The following CIB4 variants were observed in gnomAD, a reference collection of about 807,000 sequenced individuals.
CIB4 encodes calcium and integrin-binding family member 4.
Under a neutral mutation model 25.8 loss-of-function variants are expected in CIB4, and 25 were observed. The ratio of observed to expected loss-of-function variants is 0.97; its 90% CI spans 0.71 to 1.35. CIB4 has a LOEUF of 1.35. Ranked by LOEUF, CIB4 falls within the 40% of genes most tolerant of loss-of-function variation. The probability of loss-of-function intolerance (pLI) is 0.00; values close to 1 mark genes in which losing one functional copy is unlikely to be tolerated. For missense variants in CIB4, 235 were observed against 228.2 expected (o/e 1.03, Z -0.19); for synonymous variants, 75 against 81.4 (o/e 0.92, Z 0.42).
chr2:26,583,642 T>G (rs1668393551), intron 5 of CIB4, 147 bp downstream of exon 5: 7 of 637,426 alleles, frequency 1.1e-5, no homozygotes, highest in Non-Finnish European at 2.0e-5. Context: ...CCCCAGGGAA[T>G]GTGTGCACCA....
Position 26,581,385 on chromosome 2 carries a change from C to CCCA in CIB4, c.535_536insTGG (p.Arg179delinsLeuGly). On this transcript the variant is annotated protein_altering_variant, in exon 7 of 7. Coordinates refer to ENST00000288861, the MANE Select transcript of CIB4 (RefSeq NM_001029881.3). ...ACATCAGCATCCCCAGAAGTGAATC[C>CCCA]GAAAGGAGCTGAAAGAAAGAATCCC... 1 of 1,613,642 alleles carries CCCA rather than the reference C, an allele frequency of 6.2e-7. No individual in the cohort carries two copies. Among genetic ancestry groups the CCCA allele is most frequent in the Non-Finnish European group, 8.5e-7 (1 of 1,179,768 alleles).
chr2:26,605,540 C>T (rs574398537), intron 3 of CIB4: 3 of 471,042 alleles, frequency 6.4e-6, no homozygotes, highest in African/African-American at 4.0e-5. Context: ...AGGGAAGGCT[C>T]TTCTTCCTTC....
chr2:26,608,014 G>A (rs927870915), intron 3 of CIB4, among the ~76,000 whole-genome samples: 3 of 152,234 alleles, frequency 2.0e-5, no homozygotes, highest in Non-Finnish European at 2.9e-5. Flanking sequence ...GAGACGGGTG[G>A]ATCACCTGAA....
chr2:26,598,293 C>G (rs1668718072), intron 3 of CIB4, among the ~76,000 whole-genome samples: 1 of 149,930 alleles, frequency 6.7e-6, no homozygotes, highest in South Asian at 2.1e-4. Flanking sequence ...GAGGGAGACT[C>G]CATCTCAAAA....
At chr2:26,606,329 G>A (rs1668889406) in intron 3 of CIB4, among the ~76,000 whole-genome samples, 1 of 152,310 alleles carries the variant, frequency 6.6e-6, no homozygotes. Context: ...AGGACAGTGA[G>A]GCTGGGAGGC....
chr2:26,583,981 C>A, intron 4 of CIB4, 83 bp from the exon 5 acceptor site: 1 of 863,224 alleles, frequency 1.2e-6, no homozygotes. Flanking sequence ...GGGGACACAG[C>A]ACCAGCCAGG....
At chr2:26,587,902 C>T (rs893644690) in intron 4 of CIB4, among the ~76,000 whole-genome samples, 1 of 152,214 alleles carries the variant, frequency 6.6e-6, no homozygotes, top group Non-Finnish European at 1.5e-5. Context: ...CAGGTTTGCT[C>T]ATGTCACAGG....
chr2:26,589,054 TTCTTCCTCTTCC>T (rs1558554805), intron 4 of CIB4, among the ~76,000 whole-genome samples: 10 of 39,970 alleles, frequency 2.5e-4, no homozygotes, highest in East Asian at 1.3e-3. Context: ...CTTCTTCTTC[TTCTTCCTCTTCC>T]TCTTCCTCTT....
chr2:26,581,348 G>C lies in CIB4; in HGVS notation c.*15C>G, dbSNP rs1668333044. On this transcript the variant is annotated 3_prime_UTR_variant, in exon 7 of 7. Coordinates refer to ENST00000288861, the MANE Select transcript of CIB4 (RefSeq NM_001029881.3). ...GTCTCCCTCGAGGCTGCCATGTCAG[G>C]TGTTTGCCGCTACATCAGCATCCCC... is the stretch of plus-strand genomic sequence containing the variant. 1 of 1,610,976 alleles carries C rather than the reference G, an allele frequency of 6.2e-7. No individual in the cohort carries two copies. Among genetic ancestry groups the C allele is most frequent in the African/African-American group, 1.3e-5 (1 of 74,812 alleles).
chr2:26,588,985 T>TTCTTCTTCTTCTTCTTCCTCTTCC, intron 4 of CIB4, among the ~76,000 whole-genome samples: 1 of 3,334 alleles, frequency 3.0e-4, no homozygotes, highest in African/African-American at 7.4e-4. Flanking sequence ...TTCTTTCTTC[T>TTCTTCTTCTTCTTCTTCCTCTTCC]TCTTCTTCTT....
At chr2:26,615,969 T>G (rs1669084014) in intron 3 of CIB4, among the ~76,000 whole-genome samples, 1 of 152,214 alleles carries the variant, frequency 6.6e-6, no homozygotes, top group African/African-American at 2.4e-5. Context: ...CAGCTCCGAC[T>G]GGCATCAGGC....
intron 3 of CIB4, among the ~76,000 whole-genome samples, chr2:26,616,013 G>C (rs1035509056): frequency 2.6e-5 from 4 of 152,220 alleles, no homozygotes; most frequent in African/African-American, 9.7e-5. Flanking sequence ...GGGGGGCGGT[G>C]GGGGGTGAGC....
intron 4 of CIB4, among the ~76,000 whole-genome samples, chr2:26,589,029 C>T (rs1668515872): frequency 2.7e-5 from 1 of 36,936 alleles, no homozygotes; most frequent in South Asian, 1.5e-3. Context: ...TCTTCTTCTT[C>T]TTCTTCTTCT....
intron 3 of CIB4, among the ~76,000 whole-genome samples, chr2:26,609,672 C>A (rs999713800): frequency 3.9e-5 from 6 of 152,066 alleles, no homozygotes; most frequent in Admixed American, 2.6e-4. Context: ...ACAGCCATTT[C>A]AACTCCATTT....
At chr2:26,628,152 T>A (rs971861491) in intron 3 of CIB4, among the ~76,000 whole-genome samples, 1 of 152,232 alleles carries the variant, frequency 6.6e-6, no homozygotes, top group African/African-American at 2.4e-5. Context: ...CTCAATGCAA[T>A]GCACAAATTT....
chr2:26,618,979 T>C (rs1669149805), intron 3 of CIB4, among the ~76,000 whole-genome samples: 1 of 152,182 alleles, frequency 6.6e-6, no homozygotes, highest in African/African-American at 2.4e-5. Flanking sequence ...ATCTGAGCGC[T>C]GTGAAGCCCC....
Position 26,627,164 on chromosome 2 carries a change from C to T in CIB4, c.186+2246G>A, listed in dbSNP as rs1669326373. ...TATGCCACCCCTCCAGTTCGGCTCC[C>T]CTTGGGCCCTCTGTGGCACCTGGAA... On this transcript the variant is annotated intron_variant, in intron 3 of 6. Transcript: ENST00000288861. This position sits in a 1 kb window ranked among gnomAD's most constrained non-coding sequence, Gnocchi z 4.0. Among the ~76,000 whole-genome samples the T allele has an allele frequency of 6.6e-6, 1 of 152,106 alleles. No individual in the cohort carries two copies. The highest frequency in any genetic ancestry group is 1.5e-5 in the Non-Finnish European group (1 of 68,010).
Position 26,595,208 on chromosome 2 carries a change from C to T in CIB4, c.296G>A (p.Ser99Asn), listed in dbSNP as rs765467509. Reference sequence around the variant, plus strand: ...GCGAAAGGCATACTCAATCTTCAGGCTTGGGCAGGCCTGCTCGCTGAACAC... The same window carrying T: ...GCGAAAGGCATACTCAATCTTCAGGTTTGGGCAGGCCTGCTCGCTGAACAC... ...ASVFSEQACP[S>N]LKIEYAFRIY... The change falls in exon 4 of 7, where the codon AGC becomes AAC. Residue 99 changes from serine to asparagine, a missense_variant. Coordinates refer to ENST00000288861, the MANE Select transcript of CIB4 (RefSeq NM_001029881.3). 1.2e-6 allele frequency: 2 copies of T among 1,613,364 alleles called. No individual in the cohort carries two copies. Among genetic ancestry groups the T allele is most frequent in the South Asian group, 1.1e-5 (1 of 91,066 alleles).
intron 3 of CIB4, among the ~76,000 whole-genome samples, chr2:26,615,719 G>A (rs1197887287): frequency 1.3e-5 from 2 of 152,264 alleles, no homozygotes; most frequent in Admixed American, 6.5e-5. Context: ...GGTGGCAGCG[G>A]CAAGGCCGAG....
Sources: allele counts gnomAD v4.1 joint callset (sites outside exome capture counted in the v4.1 genomes callset), GRCh38; gene constraint gnomAD v4.1.1; non-coding constraint Gnocchi (gnomAD v3.1); transcripts MANE v1.5; gene names NCBI Gene and HGNC (gene_info 2026-07-23, HGNC 2026-07-21).